The following FAT3 variants were observed in gnomAD, a reference collection of about 807,000 sequenced individuals.
FAT3 encodes FAT atypical cadherin 3.
In FAT3, 95 loss-of-function variants were observed where a neutral mutation model predicts 310.2. The observed-to-expected ratio is 0.31, with a 90% confidence interval of 0.26 to 0.36. The LOEUF (loss-of-function observed/expected upper bound fraction) is 0.36, where lower values mean the gene tolerates loss of function less well. Among genes scored for constraint, FAT3 ranks in the 10% least tolerant of loss-of-function variants. FAT3 has a pLI of 1.00. For synonymous variants in FAT3, 2,314 were observed against 2,192.9 expected (o/e 1.06, Z -1.54); for missense variants, 5,408 against 5,715.6 (o/e 0.95, Z 1.74).
At chr11:92,288,178 G>A (rs908504672) in intron 1 of FAT3, among the ~76,000 whole-genome samples, 1 of 152,080 alleles carries the variant, frequency 6.6e-6, no homozygotes, top group Non-Finnish European at 1.5e-5. Flanking sequence ...ATGACAACAT[G>A]GATGAACCTG....
At chr11:92,576,666 T>C (rs1159976408) in intron 3 of FAT3, among the ~76,000 whole-genome samples, 1 of 152,088 alleles carries the variant, frequency 6.6e-6, no homozygotes, top group Non-Finnish European at 1.5e-5. Flanking sequence ...AAGGTTCCAA[T>C]CAGTGGAGCT....
intron 4 of FAT3, among the ~76,000 whole-genome samples, chr11:92,743,982 T>C (rs1233365928): frequency 6.6e-6 from 1 of 152,174 alleles, no homozygotes; most frequent in Non-Finnish European, 1.5e-5. Flanking sequence ...TCTCAGCCTC[T>C]ATAACTGTAA....
At chr11:92,297,261 T>C (rs1377990039) in intron 1 of FAT3, among the ~76,000 whole-genome samples, 3 of 152,158 alleles carry the variant, frequency 2.0e-5, no homozygotes, top group Non-Finnish European at 4.4e-5. Context: ...ATTGACTTTT[T>C]GGTGCCAATT....
At chr11:92,373,766 ACACAC>A (rs1949262038) in intron 2 of FAT3, among the ~76,000 whole-genome samples, 1 of 63,382 alleles carries the variant, frequency 1.6e-5, no homozygotes, top group Admixed American at 1.3e-4. Context: ...GTATGCACAC[ACACAC>A]ACACACACAC....
intron 19 of FAT3, among the ~76,000 whole-genome samples, chr11:92,851,544 C>G (rs4753420): frequency 0.38 from 57,646 of 151,934 alleles, 11,207 homozygotes; most frequent in East Asian, 0.46. Flanking sequence ...ATCTTACTAC[C>G]CCACCTTCCC....
chr11:92,651,961 C>T (rs1391783305), intron 3 of FAT3, among the ~76,000 whole-genome samples: 11 of 152,196 alleles, frequency 7.2e-5, no homozygotes, highest in Admixed American at 2.6e-4. Flanking sequence ...TATTCATTTC[C>T]ATTGTCCATC....
At chr11:92,711,089 C>G (rs559808703) in intron 4 of FAT3, among the ~76,000 whole-genome samples, 2 of 152,172 alleles carry the variant, frequency 1.3e-5, no homozygotes, top group South Asian at 2.1e-4. Flanking sequence ...TAATAATATT[C>G]ATAGTTTTTC....
At chr11:92,239,079 GA>G (rs1448905264) in intron 1 of FAT3, among the ~76,000 whole-genome samples, 5 of 152,044 alleles carry the variant, frequency 3.3e-5, no homozygotes, top group African/African-American at 9.7e-5. Flanking sequence ...TCTACCAAAA[GA>G]AATTGGTATT....
chr11:92,713,000 T>A (rs1345137580), intron 4 of FAT3, among the ~76,000 whole-genome samples: 1 of 152,192 alleles, frequency 6.6e-6, no homozygotes, highest in Non-Finnish European at 1.5e-5. Flanking sequence ...AAATCAGCAC[T>A]CTGACCAATA....
chr11:92,690,852 G>A (rs996642503), intron 3 of FAT3, among the ~76,000 whole-genome samples: 1 of 152,140 alleles, frequency 6.6e-6, no homozygotes, highest in Non-Finnish European at 1.5e-5. Flanking sequence ...GGTTCTAGAA[G>A]TCAGAATCTT....
In FAT3 at chr11:92,799,656, G is replaced by A; in HGVS notation, c.6643G>A (p.Gly2215Ser). ...ILSINATSPE[G>S]QGIIYIIIDG... ...AAGCATCAATGCCACCAGTCCAGAA[G>A]GCCAAGGCATCATATATATCATTAT... is the stretch of plus-strand genomic sequence containing the variant. The change falls in exon 10 of 28, where the codon GGC becomes AGC. Residue 2215 changes from glycine (G) to serine (S), a missense_variant. Coordinates refer to ENST00000525166, the MANE Select transcript of FAT3 (RefSeq NM_001367949.2). The A allele has an allele frequency of 6.2e-7, 1 of 1,613,728 alleles. No individual in the cohort carries two copies. Among genetic ancestry groups the A allele is most frequent in the Non-Finnish European group, 8.5e-7 (1 of 1,179,802 alleles).
chr11:92,551,841 A>T (rs1565404774), intron 3 of FAT3, among the ~76,000 whole-genome samples: 1 of 152,232 alleles, frequency 6.6e-6, no homozygotes, highest in Non-Finnish European at 1.5e-5. Context: ...CCATCAAGTT[A>T]GAATAGAATG....
At chr11:92,706,403 G>T (rs755286831) in intron 4 of FAT3, among the ~76,000 whole-genome samples, 11 of 152,120 alleles carry the variant, frequency 7.2e-5, no homozygotes, top group Non-Finnish European at 1.3e-4. Context: ...AGCAGCATGT[G>T]TGGGAGCGGT....
chr11:92,241,113 G>A (rs894267633), intron 1 of FAT3, among the ~76,000 whole-genome samples: 3 of 152,090 alleles, frequency 2.0e-5, no homozygotes, highest in African/African-American at 7.2e-5. Context: ...CCCTTTAGCA[G>A]TTGCTCTAGC....
intron 19 of FAT3, among the ~76,000 whole-genome samples, chr11:92,854,794 G>A (rs988388784): frequency 6.6e-5 from 10 of 152,240 alleles, no homozygotes; most frequent in African/African-American, 2.4e-4. Context: ...TCTTTGCAAT[G>A]CAGCCATTAC....
chr11:92,248,220 A>G (rs1865002070), intron 1 of FAT3, among the ~76,000 whole-genome samples: 1 of 151,994 alleles, frequency 6.6e-6, no homozygotes, highest in African/African-American at 2.4e-5. Flanking sequence ...TTTGAAGACT[A>G]TTTTTTGCAG....
chr11:92,301,692 CT>C (rs1947002220), intron 1 of FAT3, among the ~76,000 whole-genome samples: 1 of 152,034 alleles, frequency 6.6e-6, no homozygotes, highest in African/African-American at 2.4e-5. Flanking sequence ...TTCCTTTATT[CT>C]GAGTGAGCTT....
rs1373572901 is a variant in FAT3 at position 92,479,071 on chromosome 11, G to A, written c.3293-45563G>A. On this transcript the variant is annotated intron_variant, in intron 2 of 27. Transcript: ENST00000525166. ...GGCTGGAGTGCAGCGGGGTTATCTT[G>A]GTTCATTGCAACCTCTGCCTCCCAG... Among the ~76,000 whole-genome samples the A allele has an allele frequency of 2.0e-5, 3 of 147,426 alleles. No individual in the cohort carries two copies. In the East Asian group the frequency reaches 5.9e-4, roughly 29 times the overall value.
intron 3 of FAT3, among the ~76,000 whole-genome samples, chr11:92,664,635 G>T (rs1942896160): frequency 6.6e-6 from 1 of 152,124 alleles, no homozygotes; most frequent in Admixed American, 6.5e-5. Flanking sequence ...GATCATTTAT[G>T]ACTCTTTAAA....
Sources: gnomAD v4.1 joint callset for allele counts (sites outside exome capture counted in the v4.1 genomes callset) on GRCh38, gnomAD v4.1.1 for gene constraint, MANE v1.5 for transcripts, NCBI Gene and HGNC (gene_info 2026-07-23, HGNC 2026-07-21) for gene names.